The following TAFA1 variants were observed in gnomAD, a reference collection of about 807,000 sequenced individuals.
TAFA1 encodes TAFA chemokine like family member 1, also known as chemokine-like protein TAFA-1.
Under a neutral mutation model 18.5 loss-of-function variants are expected in TAFA1, and 4 were observed. That is an observed-to-expected ratio of 0.22 (90% CI 0.11 to 0.49). The LOEUF (loss-of-function observed/expected upper bound fraction) is 0.49. Ranked by LOEUF, TAFA1 falls within the 20% of genes least tolerant of loss-of-function variation. TAFA1 has a pLI of 0.98. For synonymous variants in TAFA1, 56 were observed against 55.2 expected, an observed-to-expected ratio of 1.01 and a Z score of -0.06; for missense variants, 147 against 169.0, an observed-to-expected ratio of 0.87 and a Z score of 0.72.
At chr3:68,403,265 C>G (rs1402789172) in intron 2 of TAFA1, among the ~76,000 whole-genome samples, 1 of 152,198 alleles carries the variant, frequency 6.6e-6, no homozygotes, top group African/African-American at 2.4e-5. Context: ...GTTACCTTGT[C>G]ATTAAGTGAG....
chr3:68,130,753 C>A (rs181501798), intron 2 of TAFA1, among the ~76,000 whole-genome samples: 1 of 152,326 alleles, frequency 6.6e-6, no homozygotes, highest in East Asian at 1.9e-4. Flanking sequence ...GACCTTTGCA[C>A]CTCTGGATCC....
At chr3:68,105,723 C>G (rs1359257140) in intron 2 of TAFA1, among the ~76,000 whole-genome samples, 1 of 151,994 alleles carries the variant, frequency 6.6e-6, no homozygotes, top group Non-Finnish European at 1.5e-5. Context: ...TTGCCACTAA[C>G]AGAGGATCAT....
At chr3:68,411,647 A>T (rs914027769) in intron 2 of TAFA1, among the ~76,000 whole-genome samples, 1 of 152,160 alleles carries the variant, frequency 6.6e-6, no homozygotes, top group Non-Finnish European at 1.5e-5. Flanking sequence ...TGAAGAATAG[A>T]TCATTATACC....
chr3:68,479,822 A>G (rs1276812607), intron 3 of TAFA1, among the ~76,000 whole-genome samples: 1 of 152,144 alleles, frequency 6.6e-6, no homozygotes, highest in Non-Finnish European at 1.5e-5. Context: ...CATAGGCCAG[A>G]AAAATAAACA....
chr3:68,405,653 T>G (rs2070587005), intron 2 of TAFA1, among the ~76,000 whole-genome samples: 1 of 129,430 alleles, frequency 7.7e-6, no homozygotes, highest in African/African-American at 2.9e-5. Context: ...TGAGCTGTGA[T>G]CATGCTACTG....
chr3:68,205,423 A>C (rs1336716240), intron 2 of TAFA1, among the ~76,000 whole-genome samples: 9 of 151,888 alleles, frequency 5.9e-5, no homozygotes, highest in Admixed American at 3.3e-4. Context: ...AAAAGAACAT[A>C]GGGCCAGGTG....
chr3:68,012,799 AG>A (rs1288354751), intron 2 of TAFA1, among the ~76,000 whole-genome samples: 2 of 152,146 alleles, frequency 1.3e-5, no homozygotes, highest in Non-Finnish European at 2.9e-5. Context: ...AAATATCATG[AG>A]GCCCTTTTCC....
intron 2 of TAFA1, among the ~76,000 whole-genome samples, chr3:68,376,440 T>A (rs187279649): frequency 1.3e-5 from 2 of 152,186 alleles, no homozygotes; most frequent in Non-Finnish European, 2.9e-5. Flanking sequence ...CTGTGTGTGT[T>A]GTTCCCCTCA....
At chr3:68,251,850 C>G (rs1289307275) in intron 2 of TAFA1, among the ~76,000 whole-genome samples, 3 of 152,218 alleles carry the variant, frequency 2.0e-5, no homozygotes, top group East Asian at 1.9e-4. Context: ...ATGTAGGTGC[C>G]AGGAAAGGAG....
chr3:68,372,322 G>A (rs777944479), intron 2 of TAFA1, among the ~76,000 whole-genome samples: 4 of 152,132 alleles, frequency 2.6e-5, no homozygotes, highest in Non-Finnish European at 4.4e-5. Context: ...GGCCCCTGAT[G>A]GCAGTATGAT....
At chr3:68,436,229 G>A (rs1575864912) in intron 3 of TAFA1, among the ~76,000 whole-genome samples, 1 of 152,178 alleles carries the variant, frequency 6.6e-6, no homozygotes, top group East Asian at 1.9e-4. Context: ...AAAGTGTAAT[G>A]TAGACATGAA....
chr3:68,436,687 C>T (rs1432193274), intron 3 of TAFA1, among the ~76,000 whole-genome samples: 1 of 152,032 alleles, frequency 6.6e-6, no homozygotes, highest in Non-Finnish European at 1.5e-5. Context: ...GAGTTCATTC[C>T]AAAACTTGGG....
At chr3:68,389,410 A>C (rs2070176373) in intron 2 of TAFA1, among the ~76,000 whole-genome samples, 1 of 152,192 alleles carries the variant, frequency 6.6e-6, no homozygotes. Flanking sequence ...TAAGGCATTT[A>C]ATATCTTTGT....
At chr3:67,998,625 C>T in the TAFA1 span, among the ~76,000 whole-genome samples, 1 of 152,210 alleles carries the variant, frequency 6.6e-6, no homozygotes, top group Non-Finnish European at 1.5e-5. Context: ...AAACCCAAAA[C>T]AATCGTTTCT....
At chr3:68,520,120 A>G (rs183203605) in intron 3 of TAFA1, among the ~76,000 whole-genome samples, 79 of 152,298 alleles carry the variant, frequency 5.2e-4, no homozygotes, top group African/African-American at 1.8e-3. Context: ...TTGTCGTCTC[A>G]GAAAGTAAAA....
chr3:68,495,998 CAAAAAAAAAAAAA>C (rs199520960), intron 3 of TAFA1, among the ~76,000 whole-genome samples: 2,759 of 107,678 alleles, frequency 0.026, 103 homozygotes, highest in African/African-American at 0.093. Flanking sequence ...TTCCCTGAAG[CAAAAAAAAAAAAA>C]AAAAAAAAAA....
Position 68,078,480 on chromosome 3 carries a change from G to A in TAFA1, c.118+71736G>A, listed in dbSNP as rs11611020. On this transcript the variant is annotated intron_variant, in intron 2 of 4. Transcript: ENST00000478136. ...GATAGCTCTTATTATCTTGAGATACGTCCCATCAATACCTAATTTATTGAG... is the reference window on the plus strand; with the variant it reads ...GATAGCTCTTATTATCTTGAGATACATCCCATCAATACCTAATTTATTGAG... Among the ~76,000 whole-genome samples, 13 of 152,198 alleles carry A rather than the reference G, an allele frequency of 8.5e-5. No individual in the cohort carries two copies. In the East Asian group the frequency reaches 1.9e-3, roughly 23 times the overall value.
chr3:68,417,199 C>G, intron 2 of TAFA1, 81 bp from the exon 3 acceptor site: 1 of 1,190,096 alleles, frequency 8.4e-7, no homozygotes, highest in Non-Finnish European at 1.2e-6. Flanking sequence ...CTTTCCTCAA[C>G]CCCGCTACAT....
chr3:68,121,274 TG>T (rs2065395189), intron 2 of TAFA1, among the ~76,000 whole-genome samples: 1 of 151,816 alleles, frequency 6.6e-6, no homozygotes, highest in Non-Finnish European at 1.5e-5. Flanking sequence ...TGTGTGTGTG[TG>T]TGTGTGTGTG....
Sources: allele counts gnomAD v4.1 joint callset (sites outside exome capture counted in the v4.1 genomes callset), GRCh38; gene constraint gnomAD v4.1.1; transcripts MANE v1.5; gene names NCBI Gene and HGNC (gene_info 2026-07-23, HGNC 2026-07-21).